Variants in HERC2 observed in about 807,000 individuals in gnomAD.
HERC2 encodes the protein HECT and RLD domain containing E3 ubiquitin protein ligase 2.
Under a neutral mutation model 537.7 loss-of-function variants are expected in HERC2, and 102 were observed. The observed-to-expected ratio is 0.19, with a 90% CI of 0.16 to 0.22. The LOEUF (loss-of-function observed/expected upper bound fraction) is 0.22. HERC2 is among the 10% of genes least tolerant of loss of function. The pLI, the probability that HERC2 is intolerant of heterozygous loss-of-function variation, is 1.00. For synonymous variants in HERC2, 2,224 were observed against 2,466.2 expected (o/e 0.90, Z 2.91); for missense variants, 4,236 against 6,198.2 (o/e 0.68, Z 10.63).
chr15:28,251,167 G>A (rs1156805014), intron 20 of HERC2, among the ~76,000 whole-genome samples: 1 of 152,204 alleles, frequency 6.6e-6, no homozygotes, highest in African/African-American at 2.4e-5. Context: ...ATGTGGCCAG[G>A]TGCAGTGGCT....
intron 39 of HERC2, 32 bp from the exon 40 acceptor site, chr15:28,214,834 TA>T: frequency 2.5e-5 from 39 of 1,568,420 alleles, no homozygotes; most frequent in Non-Finnish European, 3.2e-5. Context: ...CGACAAGCAT[TA>T]AAAAAAATCT....
chr15:28,174,579 A>T lies in HERC2; in HGVS notation c.9873T>A (p.Asn3291Lys). 1 of 1,613,648 alleles carries T rather than the reference A, an allele frequency of 6.2e-7. No individual in the cohort carries two copies. The highest frequency in any genetic ancestry group is 1.1e-5 in the South Asian group (1 of 91,056). ...WGDNDHGQQG[N>K]GTTTVNRKPT... ...GCTTCCTGTTAACCGTGGTCGTGCC[A>T]TTGCCCTGCTGGCCGTGGTCGTTGT... Residue 3291 changes from asparagine to lysine, a missense_variant, in exon 65 of 93, where the codon AAT becomes AAA. Asn to Lys is a moderately conservative substitution (Grantham distance 94). This residue lies in a region of HERC2 where 93 missense variants were observed against 265.1 expected (regional missense o/e 0.35). Coordinates refer to ENST00000261609, the MANE Select transcript of HERC2 (RefSeq NM_004667.6).
intron 43 of HERC2, among the ~76,000 whole-genome samples, chr15:28,212,244 G>A (rs912936619): frequency 6.6e-6 from 1 of 152,200 alleles, no homozygotes; most frequent in African/African-American, 2.4e-5. Flanking sequence ...GTGTGGCTCC[G>A]AACATGGCGA....
intron 83 of HERC2, among the ~76,000 whole-genome samples, chr15:28,126,339 CT>C (rs1254803881): frequency 6.6e-6 from 1 of 152,148 alleles, no homozygotes; most frequent in Admixed American, 6.5e-5. Flanking sequence ...CCTCAAAGAA[CT>C]AAAAGTAGAT....
intron 5 of HERC2, 29 bp downstream of exon 5, chr15:28,280,039 T>A (rs374932596): frequency 1.3e-6 from 2 of 1,542,398 alleles, no homozygotes; most frequent in African/African-American, 1.4e-5. Flanking sequence ...TTAACTGGCA[T>A]CAGGATTCTT....
intron 81 of HERC2, among the ~76,000 whole-genome samples, chr15:28,131,269 T>G (rs778322872): frequency 1.3e-5 from 2 of 152,072 alleles, no homozygotes; most frequent in Non-Finnish European, 2.9e-5. Context: ...ATCCTCAGCC[T>G]TGGAAGTGCA....
chr15:28,150,235 G>A lies in HERC2; in HGVS notation c.10900+2442C>T, dbSNP rs182741939. Among the ~76,000 whole-genome samples the A allele has an allele frequency of 2.5e-3, 350 of 138,182 alleles. 2 individuals are homozygous for A. The highest frequency in any genetic ancestry group is 4.3e-3 in the Admixed American group (59 of 13,578). 90.7% of individuals were successfully genotyped at this position (138,182 alleles called of 152,430 possible). On this transcript the variant is annotated intron_variant, in intron 70 of 92. Transcript: ENST00000261609. ...ACCGAGAATGGCCACATGAACGTAC[G>A]TTCTAGTAAAATTACCGAAGAAACA...
intron 57 of HERC2, among the ~76,000 whole-genome samples, chr15:28,180,748 C>T (rs926843504): frequency 1.3e-5 from 2 of 152,166 alleles, no homozygotes; most frequent in African/African-American, 4.8e-5. Flanking sequence ...TTTTATTGCA[C>T]GTGTACTAAA....
rs560378441 is a variant in HERC2 at position 28,222,675 on chromosome 15, C to A, written c.5465-460G>T. 1.3e-3 allele frequency among the ~76,000 whole-genome samples: 195 copies of A among 152,204 alleles called. 3 individuals carry two copies. Among genetic ancestry groups the A allele is most frequent in the African/African-American group, 4.4e-3 (181 of 41,524 alleles). On this transcript the variant is annotated intron_variant, in intron 35 of 92. Coordinates refer to ENST00000261609, the MANE Select transcript of HERC2 (RefSeq NM_004667.6). ...AGGGTTGCTGCAGGCTGGCCCTCGG[C>A]TGGAGTCTGGATCTCAGGAGGGCTC...
At chr15:28,148,548 G>A (rs1892008615) in intron 70 of HERC2, among the ~76,000 whole-genome samples, 1 of 152,196 alleles carries the variant, frequency 6.6e-6, no homozygotes, top group African/African-American at 2.4e-5. Flanking sequence ...CAGACTAAAG[G>A]AGCACCCCTT....
chr15:28,299,557 C>T, intron 2 of HERC2, 41 bp from the exon 3 acceptor site: 1 of 1,009,570 alleles, frequency 9.9e-7, no homozygotes, highest in Non-Finnish European at 1.6e-6. Flanking sequence ...AGTGCTCACA[C>T]TCACATTGCA....
intron 57 of HERC2, among the ~76,000 whole-genome samples, chr15:28,181,767 A>G (rs1895840636): frequency 6.6e-6 from 1 of 152,234 alleles, no homozygotes; most frequent in African/African-American, 2.4e-5. Context: ...CAAAATACAA[A>G]TTAACCTCTC....
intron 48 of HERC2, among the ~76,000 whole-genome samples, chr15:28,199,005 G>T (rs1004541392): frequency 1.3e-5 from 2 of 152,078 alleles, no homozygotes; most frequent in Admixed American, 1.3e-4. Flanking sequence ...AAATTAGCCA[G>T]ACGTGGCGGT....
At chr15:28,183,569 AG>A (rs370123331) in intron 56 of HERC2, among the ~76,000 whole-genome samples, 5 of 152,208 alleles carry the variant, frequency 3.3e-5, no homozygotes, top group Non-Finnish European at 5.9e-5. Flanking sequence ...ACTTGAAAAG[AG>A]TACACAGGAC....
intron 23 of HERC2, among the ~76,000 whole-genome samples, chr15:28,243,822 A>G (rs1903381861): frequency 1.3e-5 from 2 of 152,178 alleles, no homozygotes; most frequent in Admixed American, 1.3e-4. Context: ...GGCATTCTGT[A>G]TTAAAGGCAT....
At chr15:28,240,597 T>A (rs1237630262) in intron 23 of HERC2, among the ~76,000 whole-genome samples, 10 of 152,182 alleles carry the variant, frequency 6.6e-5, no homozygotes, top group Non-Finnish European at 8.8e-5. Flanking sequence ...AACATCACAG[T>A]GCTAATAAGT....
intron 83 of HERC2, among the ~76,000 whole-genome samples, chr15:28,128,170 G>A (rs1050299098): frequency 3.3e-5 from 5 of 152,212 alleles, no homozygotes; most frequent in Admixed American, 6.5e-5. Context: ...CCAGGAAGAC[G>A]AGGAAGTGAA....
intron 2 of HERC2, among the ~76,000 whole-genome samples, chr15:28,317,703 A>T (rs906598121): frequency 6.6e-6 from 1 of 152,210 alleles, no homozygotes; most frequent in African/African-American, 2.4e-5. Context: ...ACAGTTCTGC[A>T]TAGGAAATTG....
At chr15:28,130,454 C>G in intron 82 of HERC2, 49 bp downstream of exon 82, 1 of 1,581,626 alleles carries the variant, frequency 6.3e-7, no homozygotes, top group African/African-American at 1.3e-5. Flanking sequence ...GCACATACCC[C>G]AATAAAAATC....
Sources: allele counts gnomAD v4.1 joint callset (sites outside exome capture counted in the v4.1 genomes callset), GRCh38; gene constraint gnomAD v4.1.1; regional missense constraint gnomAD v4.1.1; transcripts MANE v1.5; gene names NCBI Gene and HGNC (gene_info 2026-07-23, HGNC 2026-07-21).